The following NDUFS4 variants were observed in gnomAD, a reference collection of about 807,000 sequenced individuals.
NDUFS4 encodes NADH dehydrogenase [ubiquinone] iron-sulfur protein 4, mitochondrial.
In NDUFS4, 28 loss-of-function variants were observed where a neutral mutation model predicts 24.3. The observed-to-expected ratio is 1.15, with a 90% CI of 0.85 to 1.58. The LOEUF is 1.58. Among genes scored for constraint, NDUFS4 ranks in the 40% most tolerant of loss-of-function variants. NDUFS4 has a pLI of 0.00. For missense variants in NDUFS4, 223 were observed against 207.9 expected (o/e 1.07, Z -0.45); for synonymous variants, 93 against 69.7 (o/e 1.34, Z -1.67).
chr5:53,596,840 T>G (rs1750148683), intron 1 of NDUFS4, among the ~76,000 whole-genome samples: 1 of 152,262 alleles, frequency 6.6e-6, no homozygotes, highest in Admixed American at 6.5e-5. Flanking sequence ...ATGGTTTTTA[T>G]AAGATTAGGA....
intron 4 of NDUFS4, among the ~76,000 whole-genome samples, chr5:53,661,530 C>A (rs1752343126): frequency 1.3e-5 from 2 of 152,074 alleles, no homozygotes; most frequent in African/African-American, 2.4e-5. Flanking sequence ...TTTTCCAATT[C>A]TTTGAAGAAA....
chr5:53,664,698 TTCTC>T (rs1579934347), intron 4 of NDUFS4, among the ~76,000 whole-genome samples: 3 of 152,222 alleles, frequency 2.0e-5, no homozygotes, highest in African/African-American at 7.2e-5. Context: ...CTTTAAGGAC[TTCTC>T]TGCATTGGTT....
intron 2 of NDUFS4, among the ~76,000 whole-genome samples, chr5:53,643,132 A>G (rs1232790308): frequency 6.6e-6 from 1 of 152,122 alleles, no homozygotes; most frequent in East Asian, 1.9e-4. Flanking sequence ...ATTTACAGAT[A>G]ATTATTAACT....
At chr5:53,672,024 C>T (rs976836429) in intron 4 of NDUFS4, among the ~76,000 whole-genome samples, 9 of 151,902 alleles carry the variant, frequency 5.9e-5, no homozygotes, top group African/African-American at 1.7e-4. Context: ...GTGGAAAACC[C>T]GCCTCTGAAG....
chr5:53,622,556 C>G (rs1751080349), intron 2 of NDUFS4, among the ~76,000 whole-genome samples: 1 of 152,074 alleles, frequency 6.6e-6, no homozygotes, highest in African/African-American at 2.4e-5. Context: ...CTAATTACCT[C>G]CCAAAGGCCC....
chr5:53,679,030 T>C (rs1740568230), intron 4 of NDUFS4, among the ~76,000 whole-genome samples: 1 of 152,138 alleles, frequency 6.6e-6, no homozygotes, highest in Admixed American at 6.6e-5. Flanking sequence ...AAACAGCAAA[T>C]TTTTATTATG....
In NDUFS4 at chr5:53,630,882, T is replaced by C. The variant is rs557462701; in HGVS notation, c.178-15351T>C. ...ACCCACCTTCTAAAGCCTACTTCTGTCAATTTGTCAGACTCATTCTCCGTC... is the reference window on the plus strand; with the variant it reads ...ACCCACCTTCTAAAGCCTACTTCTGCCAATTTGTCAGACTCATTCTCCGTC... On this transcript the variant is annotated intron_variant, in intron 2 of 4. Coordinates refer to ENST00000296684, the MANE Select transcript of NDUFS4 (RefSeq NM_002495.4). 2.0e-5 allele frequency among the ~76,000 whole-genome samples: 3 copies of C among 152,320 alleles called. No individual in the cohort carries two copies. The South Asian group carries it at 6.2e-4, about 32-fold the overall frequency.
At chr5:53,593,112 G>A (rs574116192) in intron 1 of NDUFS4, among the ~76,000 whole-genome samples, 1 of 152,166 alleles carries the variant, frequency 6.6e-6, no homozygotes, top group African/African-American at 2.4e-5. Flanking sequence ...TAGAGATTTA[G>A]TGTCATTTCT....
chr5:53,667,977 A>C (rs1752567206), intron 4 of NDUFS4, among the ~76,000 whole-genome samples: 1 of 151,944 alleles, frequency 6.6e-6, no homozygotes, highest in African/African-American at 2.4e-5. Context: ...GTATAGGGGG[A>C]AATGAGTTTT....
intron 4 of NDUFS4, among the ~76,000 whole-genome samples, chr5:53,658,944 G>C (rs1211659995): frequency 6.6e-6 from 1 of 152,076 alleles, no homozygotes; most frequent in Non-Finnish European, 1.5e-5. Flanking sequence ...AACTTCAATT[G>C]AACATATATG....
At chr5:53,625,634 T>C (rs1751196651) in intron 2 of NDUFS4, among the ~76,000 whole-genome samples, 1 of 152,216 alleles carries the variant, frequency 6.6e-6, no homozygotes, top group East Asian at 1.9e-4. Context: ...TCCAATTTTC[T>C]ATTAATCCCT....
rs529720493 is a variant in NDUFS4, at chr5:53,561,957, A to G, written c.98+1197A>G. Among the ~76,000 whole-genome samples, 4 of 152,152 alleles carry G rather than the reference A, an allele frequency of 2.6e-5. 1 individual carries two copies. In the South Asian group the frequency reaches 8.3e-4, roughly 32 times the overall value. ...TGCTAAGATTGGGGAAAGGCAAATG[A>G]TGTTTGTAATTAAGTGTTCCATATA... On this transcript the variant is annotated intron_variant, in intron 1 of 4. Transcript: ENST00000296684.
intron 1 of NDUFS4, among the ~76,000 whole-genome samples, chr5:53,596,290 G>A (rs891100780): frequency 2.6e-5 from 4 of 152,080 alleles, no homozygotes; most frequent in Admixed American, 6.6e-5. Flanking sequence ...AAAATTAGCC[G>A]AGTGGGATGG....
At position 53,645,349 on chromosome 5, in the gene NDUFS4, T is replaced by C. The variant is rs535568255; in HGVS notation, c.178-884T>C. Among the ~76,000 whole-genome samples, 26 of 152,294 alleles carry C rather than the reference T, an allele frequency of 1.7e-4. 1 individual carries two copies. The East Asian group carries it at 3.9e-3, about 23-fold the overall frequency. On this transcript the variant is annotated intron_variant, in intron 2 of 4. Transcript: ENST00000296684. ...AGACCTTGGCAATGGCCTTGAGCAG[T>C]AGGATATAAATAACTCCCACATGCT...
intron 1 of NDUFS4, among the ~76,000 whole-genome samples, chr5:53,565,945 G>A (rs770930931): frequency 1.6e-4 from 24 of 151,316 alleles, no homozygotes; most frequent in African/African-American, 1.9e-4. Flanking sequence ...AGGCCAAGGC[G>A]GGTGGATCAT....
intron 1 of NDUFS4, among the ~76,000 whole-genome samples, chr5:53,564,761 C>A (rs1436378203): frequency 6.6e-6 from 1 of 152,056 alleles, no homozygotes; most frequent in African/African-American, 2.4e-5. Flanking sequence ...AACACCTGAC[C>A]CCAAGTGATC....
chr5:53,599,713 TTTC>T (rs1750249783), intron 1 of NDUFS4, among the ~76,000 whole-genome samples: 2 of 152,164 alleles, frequency 1.3e-5, no homozygotes, highest in Admixed American at 1.3e-4. Flanking sequence ...TTTGTATTAT[TTTC>T]TTCTTGTCTG....
chr5:53,678,704 T>C (rs1281193147), intron 4 of NDUFS4, among the ~76,000 whole-genome samples: 5 of 152,182 alleles, frequency 3.3e-5, no homozygotes, highest in African/African-American at 9.7e-5. Flanking sequence ...GACATTCTTA[T>C]AGAAATTTAA....
intron 1 of NDUFS4, among the ~76,000 whole-genome samples, chr5:53,571,095 A>G (rs1358493883): frequency 2.0e-5 from 3 of 152,176 alleles, no homozygotes; most frequent in Non-Finnish European, 4.4e-5. Context: ...ATTTACTCAT[A>G]TAAAGTATAC....
Sources: allele counts gnomAD v4.1 joint callset (sites outside exome capture counted in the v4.1 genomes callset), GRCh38; gene constraint gnomAD v4.1.1; transcripts MANE v1.5; gene names NCBI Gene and HGNC (gene_info 2026-07-23, HGNC 2026-07-21).